TAS2R1: variants seen among roughly 807,000 people sequenced by gnomAD.
TAS2R1 encodes taste receptor type 2 member 1.
For missense variants in TAS2R1, 370 were observed against 353.4 expected, an observed-to-expected ratio of 1.05 and a Z score of -0.38; for synonymous variants, 141 against 134.2, an observed-to-expected ratio of 1.05 and a Z score of -0.35.
At chr5:9,882,946 T>C in the TAS2R1 span, among the ~76,000 whole-genome samples, 45 of 152,216 alleles carry the variant, frequency 3.0e-4, no homozygotes, top group Admixed American at 9.8e-4. Context: ...TGCAGCACTA[T>C]TCACAATAGT....
intron 2 of TAS2R1, among the ~76,000 whole-genome samples, chr5:9,639,473 T>C (rs1361689423): frequency 6.6e-6 from 1 of 152,148 alleles, no homozygotes; most frequent in Non-Finnish European, 1.5e-5. Flanking sequence ...TTTTTGCCTG[T>C]TTTGTGGAAT....
the TAS2R1 span, among the ~76,000 whole-genome samples, chr5:9,788,992 C>T: frequency 3.3e-5 from 5 of 152,104 alleles, no homozygotes; most frequent in African/African-American, 1.2e-4. Context: ...CATGAGTCTC[C>T]ATTTTCTTGT....
the TAS2R1 span, among the ~76,000 whole-genome samples, chr5:9,719,918 CAAAAAA>C: frequency 2.1e-3 from 133 of 64,336 alleles, 3 homozygotes; most frequent in African/African-American, 8.9e-3. Context: ...GATTCCGATT[CAAAAAA>C]AAAAAAAAAA....
upstream of TAS2R1, among the ~76,000 whole-genome samples, chr5:9,631,608 G>C (rs1201591959): frequency 6.6e-6 from 1 of 152,124 alleles, no homozygotes; most frequent in Non-Finnish European, 1.5e-5. Context: ...AACACTGGGG[G>C]AATTAAAGCT....
At chr5:9,639,734 T>C (rs1202756061) in intron 2 of TAS2R1, among the ~76,000 whole-genome samples, 1 of 152,264 alleles carries the variant, frequency 6.6e-6, no homozygotes. Flanking sequence ...TTATGTTAGA[T>C]GGCTTCTTTC....
intron 2 of TAS2R1, among the ~76,000 whole-genome samples, chr5:9,654,931 TC>T (rs1223956476): frequency 6.6e-6 from 1 of 152,154 alleles, no homozygotes. Context: ...GAAAGCATGT[TC>T]CCACAAAAAG....
At chr5:9,822,251 C>A in the TAS2R1 span, among the ~76,000 whole-genome samples, 1 of 152,030 alleles carries the variant, frequency 6.6e-6, no homozygotes, top group Non-Finnish European at 1.5e-5. Context: ...TCCTTGATGT[C>A]ACTTCCTCAA....
the TAS2R1 span, among the ~76,000 whole-genome samples, chr5:9,794,612 A>T: frequency 6.6e-6 from 1 of 152,224 alleles, no homozygotes; most frequent in South Asian, 2.1e-4. Context: ...TCAACTTAAA[A>T]ATTGAGCCTC....
chr5:9,718,298 G>T, the TAS2R1 span, among the ~76,000 whole-genome samples: 2 of 151,688 alleles, frequency 1.3e-5, no homozygotes, highest in African/African-American at 4.8e-5. Context: ...ATGACAAAAT[G>T]GAAGAAAAAT....
the TAS2R1 span, among the ~76,000 whole-genome samples, chr5:9,848,928 A>G: frequency 6.6e-6 from 1 of 152,192 alleles, no homozygotes; most frequent in Non-Finnish European, 1.5e-5. Context: ...ACCGTCCATG[A>G]CAGGCATGGT....
chr5:9,753,076 G>A, the TAS2R1 span, among the ~76,000 whole-genome samples: 1 of 152,150 alleles, frequency 6.6e-6, no homozygotes, highest in Admixed American at 6.5e-5. Flanking sequence ...TAATGGGATG[G>A]CTGGGTCAAA....
the TAS2R1 span, among the ~76,000 whole-genome samples, chr5:9,795,433 T>C: frequency 3.3e-5 from 5 of 152,106 alleles, no homozygotes; most frequent in Admixed American, 3.3e-4. Context: ...GTGTGCAACA[T>C]ACCAGGGTTT....
chr5:9,699,625 A>G lies in TAS2R1; in HGVS notation c.-242+12547T>C, dbSNP rs149264182. 1.6e-4 allele frequency among the ~76,000 whole-genome samples: 25 copies of G among 152,206 alleles called. No homozygotes were observed. The East Asian group carries it at 3.3e-3, about 20-fold the overall frequency. ...GTCCTTGTGGACTGTAATTACTCAT[A>G]GAAGGACCAAGTGCTGCTTTTATGA... On this transcript the variant is annotated intron_variant, in intron 1 of 2. Transcript: ENST00000506620.
At chr5:9,735,432 C>A in the TAS2R1 span, among the ~76,000 whole-genome samples, 1 of 151,546 alleles carries the variant, frequency 6.6e-6, no homozygotes, top group Middle Eastern at 3.4e-3. Flanking sequence ...TTAATATTTA[C>A]AAAAGGCAAA....
the TAS2R1 span, among the ~76,000 whole-genome samples, chr5:9,868,410 G>T: frequency 1.3e-5 from 2 of 152,190 alleles, no homozygotes; most frequent in Non-Finnish European, 2.9e-5. Context: ...GTTAAGGCTT[G>T]GGTCTGGAAC....
the TAS2R1 span, among the ~76,000 whole-genome samples, chr5:9,828,163 T>C: frequency 1.3e-5 from 2 of 152,182 alleles, no homozygotes; most frequent in Non-Finnish European, 2.9e-5. Flanking sequence ...TTCACTCTTG[T>C]CACCTAGGCT....
chr5:9,695,464 C>A (rs1015417850), intron 1 of TAS2R1, among the ~76,000 whole-genome samples: 8 of 151,994 alleles, frequency 5.3e-5, no homozygotes, highest in African/African-American at 1.9e-4. Context: ...GGTTGGACGA[C>A]CTTTGATGTT....
At chr5:9,820,339 C>T in the TAS2R1 span, among the ~76,000 whole-genome samples, 8 of 152,100 alleles carry the variant, frequency 5.3e-5, no homozygotes, top group Non-Finnish European at 1.2e-4. Context: ...TTTGTCAGAA[C>T]GCCTATCTCT....
At chr5:9,869,093 C>T in the TAS2R1 span, among the ~76,000 whole-genome samples, 2 of 151,972 alleles carry the variant, frequency 1.3e-5, no homozygotes, top group Non-Finnish European at 2.9e-5. Flanking sequence ...CCCACATTTT[C>T]CTATCTTCTT....
Sources: gnomAD v4.1 joint callset for allele counts (sites outside exome capture counted in the v4.1 genomes callset) on GRCh38, gnomAD v4.1.1 for gene constraint, MANE v1.5 for transcripts, NCBI Gene and HGNC (gene_info 2026-07-23, HGNC 2026-07-21) for gene names.